CPXM2: variants seen among roughly 807,000 people sequenced by gnomAD.
CPXM2 encodes inactive carboxypeptidase-like protein X2.
Under a neutral mutation model 86.1 loss-of-function variants are expected in CPXM2, and 66 were observed. That is an observed-to-expected ratio of 0.77 (90% confidence interval 0.63 to 0.94). CPXM2 has a LOEUF of 0.94. Ranked by LOEUF, CPXM2 falls within the 40% of genes least tolerant of loss-of-function variation. The pLI is 0.00. For synonymous variants in CPXM2, 388 were observed against 400.2 expected (o/e 0.97, Z 0.36); for missense variants, 948 against 1,026.3 (o/e 0.92, Z 1.04).
chr10:123,886,441 T>C (rs1487934653), intron 1 of CPXM2, among the ~76,000 whole-genome samples: 1 of 152,164 alleles, frequency 6.6e-6, no homozygotes, highest in Non-Finnish European at 1.5e-5. Context: ...CAACCAAATA[T>C]GCTCAAAGAA....
At chr10:123,882,346 G>C (rs28673572) in intron 1 of CPXM2, among the ~76,000 whole-genome samples, 16,352 of 152,224 alleles carry the variant, frequency 0.11, 1,159 homozygotes, top group Non-Finnish European at 0.13. Flanking sequence ...ATCTCTGCCC[G>C]ACACTGCTTT....
chr10:123,843,875 C>A (rs916612493), intron 3 of CPXM2, among the ~76,000 whole-genome samples: 2 of 152,146 alleles, frequency 1.3e-5, no homozygotes, highest in Non-Finnish European at 2.9e-5. Flanking sequence ...CCTATAGAAT[C>A]ATGGAAACTG....
intron 13 of CPXM2, among the ~76,000 whole-genome samples, chr10:123,747,921 C>CAAAAAAAAAAA (rs59206856): frequency 5.6e-5 from 4 of 72,028 alleles, no homozygotes; most frequent in African/African-American, 1.5e-4. Context: ...GACTCTGTCT[C>CAAAAAAAAAAA]AAAAAAAAAA....
chr10:123,811,404 T>C (rs540834187), intron 4 of CPXM2, among the ~76,000 whole-genome samples: 255 of 152,244 alleles, frequency 1.7e-3, no homozygotes, highest in African/African-American at 6.0e-3. Context: ...TGGTGTTTGG[T>C]TTTTTGTCCT....
chr10:123,795,634 T>A (rs1457103054), intron 6 of CPXM2, among the ~76,000 whole-genome samples: 1 of 151,986 alleles, frequency 6.6e-6, no homozygotes, highest in African/African-American at 2.4e-5. Flanking sequence ...TCCTTGGACA[T>A]GATGACCCCA....
At chr10:123,795,935 G>T (rs546453198) in intron 6 of CPXM2, among the ~76,000 whole-genome samples, 1 of 152,202 alleles carries the variant, frequency 6.6e-6, no homozygotes, top group African/African-American at 2.4e-5. Flanking sequence ...GTTCCTACCC[G>T]CAGAGAAAAG....
chr10:123,757,431 G>T, intron 11 of CPXM2, 79 bp from the exon 12 acceptor site: 2 of 1,241,300 alleles, frequency 1.6e-6, no homozygotes, highest in Non-Finnish European at 2.3e-6. Flanking sequence ...CGGGCAGCAA[G>T]GATGTTTAAG....
intron 3 of CPXM2, among the ~76,000 whole-genome samples, chr10:123,856,570 T>C (rs1482791560): frequency 1.3e-5 from 2 of 152,046 alleles, no homozygotes; most frequent in Admixed American, 1.3e-4. Context: ...TCCAAGCATG[T>C]TTTGTTTTGG....
intron 1 of CPXM2, among the ~76,000 whole-genome samples, chr10:123,890,574 G>T (rs1339785602): frequency 6.6e-6 from 1 of 152,248 alleles, no homozygotes; most frequent in Non-Finnish European, 1.5e-5. Flanking sequence ...CAGGCCTGCA[G>T]CCCCTGCAAT....
rs1296703964 is a variant in CPXM2, at chr10:123,891,017, A to G, written c.304+339T>C. 2.0e-5 allele frequency among the ~76,000 whole-genome samples: 3 copies of G among 152,250 alleles called. No homozygotes were observed. Among genetic ancestry groups the G allele is most frequent in the African/African-American group, 7.2e-5 (3 of 41,474 alleles). On this transcript the variant is annotated intron_variant, in intron 1 of 13. Transcript: ENST00000241305. This position sits in a 1 kb window ranked among gnomAD's most constrained non-coding sequence, Gnocchi z 5.6. ...TGAGGATTGAAGAAGTAGGCAGAGA[A>G]GTAAGAGGCATCCAGCAGAAAGACC... is the stretch of plus-strand genomic sequence containing the variant.
At chr10:123,794,940 T>C (rs1012706023) in intron 6 of CPXM2, among the ~76,000 whole-genome samples, 2 of 152,136 alleles carry the variant, frequency 1.3e-5, no homozygotes, top group Admixed American at 6.5e-5. Context: ...TGGATAATTT[T>C]TGTATTTTTA....
At chr10:123,854,204 G>C (rs74162956) in intron 3 of CPXM2, among the ~76,000 whole-genome samples, 4,379 of 150,532 alleles carry the variant, frequency 0.029, 230 homozygotes, top group African/African-American at 0.1. Flanking sequence ...GGTGACTACT[G>C]ATGCCTCTCA....
chr10:123,920,679 G>C (rs943439555), intron 2 of CPXM2, among the ~76,000 whole-genome samples: 1 of 152,144 alleles, frequency 6.6e-6, no homozygotes, highest in East Asian at 1.9e-4. Context: ...CATAGTTCAC[G>C]TGTTGGAAAC....
intron 4 of CPXM2, among the ~76,000 whole-genome samples, chr10:123,818,987 C>A (rs1425094584): frequency 1.3e-5 from 2 of 152,190 alleles, no homozygotes; most frequent in African/African-American, 4.8e-5. Context: ...TTACGTTCTG[C>A]TGGCCTAGAG....
chr10:123,799,127 T>C lies in CPXM2; in HGVS notation c.726A>G (p.Gly242=). The stretch of plus-strand genomic sequence containing the variant: ...GGATGAGACTCACCATGTCTCCAGA[T>C]CCATTCTTAACAGTGACCCACGTGT... ...DSHTWVTVKN[G]SGDMIFEGNS... The change falls in exon 5 of 14, where the codon GGA becomes GGG. Residue 242 remains glycine, a synonymous_variant. Coordinates refer to ENST00000241305, the MANE Select transcript of CPXM2 (RefSeq NM_198148.3). The C allele has an allele frequency of 6.2e-7, 1 of 1,614,156 alleles. No individual in the cohort carries two copies. Among genetic ancestry groups the C allele is most frequent in the Non-Finnish European group, 8.5e-7 (1 of 1,180,018 alleles).
intron 3 of CPXM2, among the ~76,000 whole-genome samples, chr10:123,854,685 T>C (rs1030759487): frequency 1.6e-4 from 24 of 151,044 alleles, no homozygotes; most frequent in Non-Finnish European, 2.2e-4. Context: ...TCCGCAGTCA[T>C]AACTGCACTG....
At chr10:123,863,328 G>T (rs1429340350) in intron 2 of CPXM2, among the ~76,000 whole-genome samples, 1 of 152,184 alleles carries the variant, frequency 6.6e-6, no homozygotes, top group Non-Finnish European at 1.5e-5. Context: ...ACAGTGAGTG[G>T]TGGAGCATTT....
chr10:123,798,367 C>T (rs888332657), intron 5 of CPXM2, among the ~76,000 whole-genome samples: 75 of 151,920 alleles, frequency 4.9e-4, no homozygotes, highest in East Asian at 1.9e-3. Context: ...AAAAATCTAT[C>T]GGTGTCACGG....
At chr10:123,750,077 C>A (rs754513184) in intron 13 of CPXM2, 330 of 983,154 alleles carry the variant, frequency 3.4e-4, no homozygotes, top group Non-Finnish European at 3.9e-4. Context: ...CTTGGCCTCC[C>A]AAAGTGCCGA....
Sources: gnomAD v4.1 joint callset for allele counts (sites outside exome capture counted in the v4.1 genomes callset) on GRCh38, gnomAD v4.1.1 for gene constraint, Gnocchi (gnomAD v3.1) non-coding constraint, MANE v1.5 for transcripts, NCBI Gene and HGNC (gene_info 2026-07-23, HGNC 2026-07-21) for gene names.